BCAS3: variants seen among roughly 807,000 people sequenced by gnomAD.
BCAS3 encodes the protein BCAS4/BCAS3 fusion.
A neutral mutation model predicts 116.1 loss-of-function variants in BCAS3; 53 were observed. That is an observed-to-expected ratio of 0.46 (90% CI 0.37 to 0.57). The LOEUF is 0.57. Among genes scored for constraint, BCAS3 ranks in the 20% least tolerant of loss-of-function variants. BCAS3 has a pLI of 0.00. For missense variants in BCAS3, 917 were observed against 1,165.4 expected, an observed-to-expected ratio of 0.79 and a Z score of 3.10; for synonymous variants, 391 against 408.2, an observed-to-expected ratio of 0.96 and a Z score of 0.51.
intron 5 of BCAS3, among the ~76,000 whole-genome samples, chr17:60,735,651 G>A (rs890328146): frequency 6.6e-6 from 1 of 151,664 alleles, no homozygotes; most frequent in African/African-American, 2.4e-5. Flanking sequence ...ACAGGGTTTC[G>A]CCATGTTGCC....
At chr17:60,878,018 TTTTTTTTTTGA>T (rs1291275300) in intron 9 of BCAS3, among the ~76,000 whole-genome samples, 1 of 151,396 alleles carries the variant, frequency 6.6e-6, no homozygotes, top group African/African-American at 2.4e-5. Context: ...TTTTTCTTTT[TTTTTTTTTTGA>T]GATGGAGTCT....
intron 22 of BCAS3, among the ~76,000 whole-genome samples, chr17:61,133,247 A>G (rs2076436142): frequency 6.6e-6 from 1 of 152,218 alleles, no homozygotes; most frequent in African/African-American, 2.4e-5. Context: ...TCTGCATTAA[A>G]GATGAAATAG....
chr17:61,028,845 A>G lies in BCAS3; in HGVS notation c.1638-5821A>G, dbSNP rs928442875. ...ACAAGAAACTCGTTTTTAGTCACTT[A>G]TACTAGACTAAAAGGTTCTCCTTTA... is the stretch of plus-strand genomic sequence containing the variant. On this transcript the variant is annotated intron_variant, in intron 16 of 23. Transcript: ENST00000407086. The surrounding 1 kb of genome is among the most constrained non-coding windows in gnomAD (Gnocchi z 4.3). Among the ~76,000 whole-genome samples, 1 of 151,934 alleles carries G rather than the reference A, an allele frequency of 6.6e-6. No homozygotes were observed. The highest frequency in any genetic ancestry group is 1.5e-5 in the Non-Finnish European group (1 of 67,836).
chr17:60,851,325 G>A, intron 7 of BCAS3: 2 of 334,092 alleles, frequency 6.0e-6, no homozygotes, highest in East Asian at 9.5e-5. Flanking sequence ...GCTTCGCAAA[G>A]GCTCTCGGCA....
intron 22 of BCAS3, among the ~76,000 whole-genome samples, chr17:61,173,152 T>G (rs1188247954): frequency 6.7e-6 from 1 of 150,346 alleles, no homozygotes; most frequent in East Asian, 2.0e-4. Flanking sequence ...AAAAGGAAAA[T>G]TAGAAATTGT....
At chr17:60,865,660 G>A (rs1440349422) in intron 7 of BCAS3, among the ~76,000 whole-genome samples, 1 of 152,078 alleles carries the variant, frequency 6.6e-6, no homozygotes, top group Non-Finnish European at 1.5e-5. Context: ...GATTCTTTGG[G>A]ATTTTTTATG....
rs1185251422 is a variant in BCAS3 at position 61,286,187 on chromosome 17, G to A, written c.2426-82140G>A. ...GGGATTTCTTTGCAGCTTTCAAAGGGTAGATCTTTGCAACCATCCCTTGGG... is the reference window on the plus strand; with the variant it reads ...GGGATTTCTTTGCAGCTTTCAAAGGATAGATCTTTGCAACCATCCCTTGGG... On this transcript the variant is annotated intron_variant, in intron 22 of 23. Transcript: ENST00000407086. The surrounding 1 kb of genome is among the most constrained non-coding windows in gnomAD (Gnocchi z 4.8). Among the ~76,000 whole-genome samples, 1 of 152,196 alleles carries A rather than the reference G, an allele frequency of 6.6e-6. No individual in the cohort carries two copies. The highest frequency in any genetic ancestry group is 1.9e-4 in the East Asian group (1 of 5,192).
Position 61,323,105 on chromosome 17 carries a change from G to T in BCAS3, c.2426-45222G>T, listed in dbSNP as rs1376388458. On this transcript the variant is annotated intron_variant, in intron 22 of 23. Coordinates refer to ENST00000407086, the MANE Select transcript of BCAS3 (RefSeq NM_017679.5). This position sits in a 1 kb window ranked among gnomAD's most constrained non-coding sequence, Gnocchi z 4.6. Reference sequence around the variant, plus strand: ...AAAAAAATGAAAGAAAAAGGAGAATGGTCACATGGATTTAGCATCACACGG... The same window carrying T: ...AAAAAAATGAAAGAAAAAGGAGAATTGTCACATGGATTTAGCATCACACGG... 1.3e-5 allele frequency among the ~76,000 whole-genome samples: 2 copies of T among 152,098 alleles called. No individual in the cohort carries two copies. The highest frequency in any genetic ancestry group is 4.8e-5 in the African/African-American group (2 of 41,406).
At chr17:60,810,682 G>T in intron 7 of BCAS3, 1 of 666,698 alleles carries the variant, frequency 1.5e-6, no homozygotes. Context: ...GACAGAGCTG[G>T]CCATGCCCTA....
At chr17:61,053,564 C>T (rs1221906108) in intron 19 of BCAS3, among the ~76,000 whole-genome samples, 1 of 152,230 alleles carries the variant, frequency 6.6e-6, no homozygotes, top group Non-Finnish European at 1.5e-5. Flanking sequence ...TGCTCCCTTT[C>T]AAATGTCACA....
chr17:60,928,626 G>A lies in BCAS3; in HGVS notation c.1087+4126G>A, dbSNP rs147244629. ...CTTAATTATTTACTTTCAGCTTTGA[G>A]TATTTTTGCTGTTCTGAATATTGAC... On this transcript the variant is annotated intron_variant, in intron 13 of 23. Transcript: ENST00000407086. Among the ~76,000 whole-genome samples, 722 of 152,276 alleles carry A rather than the reference G, an allele frequency of 4.7e-3. 1 individual carries two copies. The highest frequency in any genetic ancestry group is 7.9e-3 in the Non-Finnish European group (539 of 68,012).
intron 13 of BCAS3, among the ~76,000 whole-genome samples, chr17:60,926,237 G>T (rs1176469753): frequency 6.6e-6 from 1 of 152,054 alleles, no homozygotes; most frequent in Non-Finnish European, 1.5e-5. Context: ...TTTCAGAGCT[G>T]GTATAGTCAT....
At chr17:61,070,584 AAACT>A (rs1341465644) in intron 19 of BCAS3, among the ~76,000 whole-genome samples, 1 of 151,822 alleles carries the variant, frequency 6.6e-6, no homozygotes, top group Admixed American at 6.6e-5. Context: ...GTATTAGTAC[AAACT>A]AAGAAAATAT....
rs1048237550 is a variant in BCAS3, at chr17:61,343,243, G to A, written c.2426-25084G>A. On this transcript the variant is annotated intron_variant, in intron 22 of 23. Transcript: ENST00000407086. The surrounding 1 kb of genome is among the most constrained non-coding windows in gnomAD (Gnocchi z 5.5). ...TTGCCACACAAGGTGGGGAAGTGAC[G>A]TTTCTAAAGGTGCCATGTGGAGGAG... 5.3e-5 allele frequency among the ~76,000 whole-genome samples: 8 copies of A among 152,210 alleles called. No individual in the cohort carries two copies. The highest frequency in any genetic ancestry group is 1.2e-4 in the African/African-American group (5 of 41,446).
intron 22 of BCAS3, among the ~76,000 whole-genome samples, chr17:61,173,378 G>T (rs1165123630): frequency 6.6e-6 from 1 of 151,684 alleles, no homozygotes; most frequent in Non-Finnish European, 1.5e-5. Context: ...GAACCCGAGA[G>T]GCAGAGGTTG....
chr17:61,072,249 C>G (rs1394370826), intron 19 of BCAS3, among the ~76,000 whole-genome samples: 3 of 152,080 alleles, frequency 2.0e-5, no homozygotes, highest in Admixed American at 6.6e-5. Flanking sequence ...ATACACAAAA[C>G]TAGAAAATAA....
At chr17:61,252,960 A>G (rs1037765669) in intron 22 of BCAS3, among the ~76,000 whole-genome samples, 9 of 150,130 alleles carry the variant, frequency 6.0e-5, no homozygotes, top group African/African-American at 2.2e-4. Context: ...GCTCACTGCA[A>G]CCTCCACCTC....
At chr17:60,841,430 A>G (rs917137322) in intron 7 of BCAS3, among the ~76,000 whole-genome samples, 53 of 147,004 alleles carry the variant, frequency 3.6e-4, no homozygotes, top group African/African-American at 1.3e-3. Context: ...CTCAGGCTGG[A>G]GTGCAGTGGC....
At chr17:60,784,817 C>T (rs73316760) in intron 6 of BCAS3, among the ~76,000 whole-genome samples, 35,199 of 151,862 alleles carry the variant, frequency 0.23, 7,270 homozygotes, top group African/African-American at 0.56. Context: ...GTAGCTAGGC[C>T]AGGCGCAGTG....
Sources: gnomAD v4.1 joint callset for allele counts (sites outside exome capture counted in the v4.1 genomes callset) on GRCh38, gnomAD v4.1.1 for gene constraint, Gnocchi (gnomAD v3.1) non-coding constraint, MANE v1.5 for transcripts, NCBI Gene and HGNC (gene_info 2026-07-23, HGNC 2026-07-21) for gene names.